NTRK2: variants seen among roughly 807,000 people sequenced by gnomAD.
The protein encoded by NTRK2 is neurotrophic receptor tyrosine kinase 2.
A neutral mutation model predicts 94.5 loss-of-function variants in NTRK2; 13 were observed. That is an observed-to-expected ratio of 0.14 (90% CI 0.09 to 0.22). The LOEUF (loss-of-function observed/expected upper bound fraction) is 0.22. NTRK2 is among the 10% of genes least tolerant of loss of function. NTRK2 has a pLI of 1.00. For missense variants in NTRK2, 639 were observed against 1,071.2 expected (o/e 0.60, Z 5.63); for synonymous variants, 372 against 407.4 (o/e 0.91, Z 1.05).
intron 12 of NTRK2, among the ~76,000 whole-genome samples, chr9:84,817,194 C>T (rs973424630): frequency 2.0e-5 from 3 of 152,138 alleles, no homozygotes; most frequent in Non-Finnish European, 2.9e-5. Flanking sequence ...GTTGGCGAGT[C>T]GTTGGGTGTA....
chr9:84,771,347 C>T (rs2066526529), intron 12 of NTRK2, among the ~76,000 whole-genome samples: 1 of 152,164 alleles, frequency 6.6e-6, no homozygotes. Flanking sequence ...TGAAATGGAC[C>T]ACAGTGTCCT....
chr9:84,676,616 A>G (rs2059071025), intron 2 of NTRK2, among the ~76,000 whole-genome samples: 1 of 152,198 alleles, frequency 6.6e-6, no homozygotes, highest in Non-Finnish European at 1.5e-5. Flanking sequence ...CATTAACAGC[A>G]TTGTGGGAAC....
Position 85,023,459 on chromosome 9 carries a change from G to A in NTRK2, c.*2022G>A, listed in dbSNP as rs200704605. ...AAAAATTCAAAAGTGCAAATTAACA[G>A]AACAAAAGGAAATCCAGTAGCAACT... On this transcript the variant is annotated 3_prime_UTR_variant, in exon 19 of 19. Coordinates refer to ENST00000277120, the MANE Select transcript of NTRK2 (RefSeq NM_006180.6). The A allele has an allele frequency of 5.2e-5, 12 of 232,472 alleles. No individual in the cohort carries two copies. The highest frequency in any genetic ancestry group is 1.0e-4 in the Non-Finnish European group (12 of 117,646). The allele number at this position is 232,472 out of a possible 1,614,324, so 14.4% of individuals were successfully genotyped here.
intron 14 of NTRK2, chr9:84,872,960 A>G: frequency 1.9e-6 from 2 of 1,064,866 alleles, no homozygotes; most frequent in Non-Finnish European, 2.3e-6. Context: ...GATATTTTTC[A>G]CAGAACCGCA....
rs76316219 is a variant in NTRK2, at chr9:85,001,515, C to A, written c.2173-18691C>A. ...GCTCAAATGCACAATGAGGTCCCAGCACCCCTTCTTACAGCATCCCCAATC... is the reference window on the plus strand; with the variant it reads ...GCTCAAATGCACAATGAGGTCCCAGAACCCCTTCTTACAGCATCCCCAATC... On this transcript the variant is annotated intron_variant, in intron 17 of 18. Transcript: ENST00000277120. Among the ~76,000 whole-genome samples, 780 of 152,260 alleles carry A rather than the reference C, an allele frequency of 5.1e-3. 10 individuals carry two copies. The highest frequency in any genetic ancestry group is 0.018 in the African/African-American group (751 of 41,532).
chr9:84,742,302 TG>T (rs1268940410), intron 10 of NTRK2, among the ~76,000 whole-genome samples: 1 of 152,202 alleles, frequency 6.6e-6, no homozygotes, highest in African/African-American at 2.4e-5. Flanking sequence ...ATGTTTCTTG[TG>T]TAATGAAGGT....
chr9:84,969,180 G>C (rs1825902548), intron 17 of NTRK2, among the ~76,000 whole-genome samples: 1 of 152,082 alleles, frequency 6.6e-6, no homozygotes, highest in African/African-American at 2.4e-5. Context: ...TTTTTTCCGT[G>C]CTATCCCTAA....
At chr9:84,948,196 T>C (rs1052473301) in intron 15 of NTRK2, among the ~76,000 whole-genome samples, 1 of 152,144 alleles carries the variant, frequency 6.6e-6, no homozygotes, top group Admixed American at 6.5e-5. Context: ...AATTATTGGG[T>C]GCAGACCAGG....
At chr9:84,753,192 T>C (rs1319040024) in intron 12 of NTRK2, among the ~76,000 whole-genome samples, 1 of 152,086 alleles carries the variant, frequency 6.6e-6, no homozygotes, top group African/African-American at 2.4e-5. Context: ...CTCGTCCTGG[T>C]TCCTGCTTGG....
chr9:84,826,535 C>A (rs1369721317), intron 12 of NTRK2, among the ~76,000 whole-genome samples: 1 of 152,154 alleles, frequency 6.6e-6, no homozygotes, highest in Non-Finnish European at 1.5e-5. Flanking sequence ...TAACCCACTA[C>A]CTGGAGAACA....
At chr9:84,712,906 C>G (rs567027566) in intron 6 of NTRK2, among the ~76,000 whole-genome samples, 1 of 152,154 alleles carries the variant, frequency 6.6e-6, no homozygotes, top group South Asian at 2.1e-4. Flanking sequence ...TCCATTTTTT[C>G]AATACTGCAA....
chr9:84,985,799 T>C (rs1486575793), intron 17 of NTRK2, among the ~76,000 whole-genome samples: 1 of 152,178 alleles, frequency 6.6e-6, no homozygotes, highest in Non-Finnish European at 1.5e-5. Flanking sequence ...TTAAGACAAG[T>C]AAGACACACC....
intron 17 of NTRK2, among the ~76,000 whole-genome samples, chr9:85,012,077 C>T (rs1477124601): frequency 6.6e-6 from 1 of 151,830 alleles, no homozygotes; most frequent in African/African-American, 2.4e-5. Context: ...CAACCTCCGC[C>T]TCCCAGGTTC....
intron 12 of NTRK2, among the ~76,000 whole-genome samples, chr9:84,776,510 C>T (rs932379802): frequency 6.6e-6 from 1 of 152,206 alleles, no homozygotes; most frequent in African/African-American, 2.4e-5. Context: ...GTGTGAGCCA[C>T]CATGTCTGGC....
chr9:84,969,628 A>G (rs555551674), intron 17 of NTRK2, among the ~76,000 whole-genome samples: 2 of 152,360 alleles, frequency 1.3e-5, no homozygotes, highest in South Asian at 4.1e-4. Context: ...TAAAATTTCA[A>G]AGTGATGATC....
At chr9:84,700,451 G>GC (rs1299816052) in intron 2 of NTRK2, among the ~76,000 whole-genome samples, 50 of 152,150 alleles carry the variant, frequency 3.3e-4, no homozygotes, top group African/African-American at 1.2e-3. Flanking sequence ...AGTGTGCCAG[G>GC]CCCTGGGTAT....
chr9:84,924,789 T>C (rs1564469426), intron 14 of NTRK2, among the ~76,000 whole-genome samples: 1 of 152,204 alleles, frequency 6.6e-6, no homozygotes, highest in Non-Finnish European at 1.5e-5. Flanking sequence ...CCTCCACTCC[T>C]ATGGACACTT....
At chr9:84,724,106 G>T (rs1438395049) in intron 7 of NTRK2, 118 bp from the exon 8 acceptor site, 3 of 1,080,874 alleles carry the variant, frequency 2.8e-6, no homozygotes, top group Non-Finnish European at 4.2e-6. Context: ...TTCAGGCAGA[G>T]AAGCTTTTCT....
At chr9:84,724,185 C>T in intron 7 of NTRK2, 39 bp from the exon 8 acceptor site, 1 of 1,613,052 alleles carries the variant, frequency 6.2e-7, no homozygotes, top group Non-Finnish European at 8.5e-7. Flanking sequence ...TGGGATCAAT[C>T]CTAATCAAGG....
Sources: gnomAD v4.1 joint callset for allele counts (sites outside exome capture counted in the v4.1 genomes callset) on GRCh38, gnomAD v4.1.1 for gene constraint, MANE v1.5 for transcripts, NCBI Gene and HGNC (gene_info 2026-07-23, HGNC 2026-07-21) for gene names.